FSTL4: variants seen among roughly 807,000 people sequenced by gnomAD.
FSTL4 encodes follistatin-related protein 4.
FSTL4 carries 28 observed loss-of-function variants against 78.2 expected under a neutral mutation model. The ratio of observed to expected loss-of-function variants is 0.36; its 90% confidence interval spans 0.27 to 0.49. FSTL4 has a LOEUF of 0.49. Among genes scored for constraint, FSTL4 ranks in the 20% least tolerant of loss-of-function variants. The probability of loss-of-function intolerance (pLI) is 0.98; values close to 1 mark genes in which losing one functional copy is unlikely to be tolerated. For synonymous variants in FSTL4, 422 were observed against 440.5 expected, an observed-to-expected ratio of 0.96 and a Z score of 0.53; for missense variants, 922 against 1,084.9, an observed-to-expected ratio of 0.85 and a Z score of 2.11.
rs754733229 is a variant in FSTL4 at position 133,220,809 on chromosome 5, T to G, written c.1397A>C (p.His466Pro). The change falls in exon 12 of 16, where the codon CAT (histidine) becomes CCT (proline). Residue 466 changes from histidine (H) to proline (P), a missense_variant. Coordinates refer to ENST00000265342, the MANE Select transcript of FSTL4 (RefSeq NM_015082.2). ...VFSDDGIIVI[H>P]PVDCEIQRHL... ...CCTCTGGATCTCACAGTCCACAGGA[T>G]GGATGACGATGATACCGTCGTCGGA... 1.1e-5 allele frequency: 18 copies of G among 1,613,336 alleles called. No individual in the cohort carries two copies. In the South Asian group the frequency reaches 1.9e-4, roughly 17 times the overall value.
At chr5:133,287,387 CAAA>C (rs56209403) in intron 6 of FSTL4, among the ~76,000 whole-genome samples, 2 of 103,062 alleles carry the variant, frequency 1.9e-5, no homozygotes, top group African/African-American at 3.1e-5. Context: ...GACTCCATCT[CAAA>C]AAAAAAAAAA....
At chr5:133,754,473 G>T in the FSTL4 span, among the ~76,000 whole-genome samples, 2 of 152,176 alleles carry the variant, frequency 1.3e-5, no homozygotes, top group Non-Finnish European at 2.9e-5. Flanking sequence ...AATGGCAGAA[G>T]TTATAATGGA....
rs369910249 is a variant in FSTL4, at chr5:133,361,624, G to A, written c.409+39114C>T. Among the ~76,000 whole-genome samples, 5 of 152,202 alleles carry A rather than the reference G, an allele frequency of 3.3e-5. No individual in the cohort carries two copies. Among genetic ancestry groups the A allele is most frequent in the Non-Finnish European group, 4.4e-5 (3 of 68,034 alleles). ...CCCTAAAAATTTTGAGACTGGGAAT[G>A]TATAGCCATGAGGAAACCCAAAGGA... On this transcript the variant is annotated intron_variant, in intron 4 of 15. Transcript: ENST00000265342. This position sits in a 1 kb window ranked among gnomAD's most constrained non-coding sequence, Gnocchi z 4.3.
At chr5:133,566,895 T>G (rs1241323638) in intron 3 of FSTL4, among the ~76,000 whole-genome samples, 1 of 152,166 alleles carries the variant, frequency 6.6e-6, no homozygotes, top group African/African-American at 2.4e-5. Flanking sequence ...CAAACTTCAC[T>G]CAAGAATGAG....
At chr5:133,412,400 C>A (rs955998929) in intron 3 of FSTL4, among the ~76,000 whole-genome samples, 1 of 152,172 alleles carries the variant, frequency 6.6e-6, no homozygotes, top group African/African-American at 2.4e-5. Flanking sequence ...AGAGTTACCA[C>A]TCCAATGGGA....
the FSTL4 span, among the ~76,000 whole-genome samples, chr5:133,770,347 G>A: frequency 6.6e-6 from 1 of 152,174 alleles, no homozygotes; most frequent in Admixed American, 6.5e-5. Flanking sequence ...CCCACCAACA[G>A]TGTGTAAGTA....
intron 4 of FSTL4, among the ~76,000 whole-genome samples, chr5:133,348,306 A>G (rs1032751098): frequency 6.6e-6 from 1 of 152,230 alleles, no homozygotes; most frequent in African/African-American, 2.4e-5. Context: ...GAGTCCATAA[A>G]GTTTAGAGTC....
the FSTL4 span, among the ~76,000 whole-genome samples, chr5:133,759,452 A>G: frequency 2.6e-5 from 4 of 152,330 alleles, no homozygotes; most frequent in East Asian, 5.8e-4. Context: ...CTGGGAATGT[A>G]TACTGACCCA....
chr5:133,404,950 A>G (rs1419603581), intron 3 of FSTL4, among the ~76,000 whole-genome samples: 1 of 152,150 alleles, frequency 6.6e-6, no homozygotes, highest in Non-Finnish European at 1.5e-5. Context: ...CAGTGCCCCA[A>G]GTGGCAGTGA....
At chr5:133,425,242 C>T (rs1216266055) in intron 3 of FSTL4, among the ~76,000 whole-genome samples, 1 of 152,068 alleles carries the variant, frequency 6.6e-6, no homozygotes, top group Non-Finnish European at 1.5e-5. Flanking sequence ...AAAAAGGTAC[C>T]TTAGCTAAGT....
At chr5:133,618,891 A>C in the FSTL4 span, among the ~76,000 whole-genome samples, 1 of 152,240 alleles carries the variant, frequency 6.6e-6, no homozygotes, top group Admixed American at 6.5e-5. Context: ...ATCTATTGGT[A>C]TATTTAATTA....
intron 3 of FSTL4, among the ~76,000 whole-genome samples, chr5:133,466,816 G>A (rs533676294): frequency 6.6e-6 from 1 of 152,298 alleles, no homozygotes; most frequent in African/African-American, 2.4e-5. Context: ...GCTGGGGAAG[G>A]CTTCACAGGG....
rs1561667255 is a variant in FSTL4, at chr5:133,312,689, C to T, written c.692G>A (p.Ser231Asn). 1.2e-6 allele frequency: 2 copies of T among 1,613,962 alleles called. No homozygotes were observed. The highest frequency in any genetic ancestry group is 1.7e-6 in the Non-Finnish European group (2 of 1,179,872). ...GTAGAACTCGCGGAGGGTCAGGGAG[C>T]TGTCACTGTTGTAATCGTCAAATCG... ...LLRFDDYNSD[S>N]SLTLREFYMA... is the part of the protein sequence containing the mutation. Residue 231 changes from serine to asparagine, a missense_variant, in exon 6 of 16, where the codon AGC (serine) becomes AAC (asparagine). Coordinates refer to ENST00000265342, the MANE Select transcript of FSTL4 (RefSeq NM_015082.2).
chr5:133,668,781 G>T, the FSTL4 span, among the ~76,000 whole-genome samples: 1 of 152,120 alleles, frequency 6.6e-6, no homozygotes, highest in Non-Finnish European at 1.5e-5. Context: ...GGTGATTTCG[G>T]GTGTGAGATC....
At position 133,201,952 on chromosome 5, in the gene FSTL4, G is replaced by C; in HGVS notation, c.1807C>G (p.Leu603Val). 1 of 1,605,618 alleles carries C rather than the reference G, an allele frequency of 6.2e-7. No individual in the cohort carries two copies. Among genetic ancestry groups the C allele is most frequent in the Non-Finnish European group, 8.5e-7 (1 of 1,173,862 alleles). The part of the protein sequence containing the change: ...VDDFFIPPTN[L>V]IINHIRFGFI... ...TCTCACCTGATGTGGTTGATGATGA[G>C]GTTTGTTGGGGGAATGAAGAAATCA... Residue 603 changes from leucine (L) to valine (V), a missense_variant, in exon 15 of 16, where the codon CTC becomes GTC. By Grantham distance (32) the Leu-to-Val change is conservative. Coordinates refer to ENST00000265342, the MANE Select transcript of FSTL4 (RefSeq NM_015082.2).
chr5:133,371,354 C>T (rs1480249877), intron 4 of FSTL4, among the ~76,000 whole-genome samples: 1 of 152,242 alleles, frequency 6.6e-6, no homozygotes, highest in Non-Finnish European at 1.5e-5. Flanking sequence ...AACATATCTA[C>T]TCTTGAGGGT....
At position 133,553,526 on chromosome 5, in the gene FSTL4, G is replaced by A. The variant is rs867977823; in HGVS notation, c.160+13660C>T. On this transcript the variant is annotated intron_variant, in intron 3 of 15. Transcript: ENST00000265342. Reference sequence around the variant, plus strand: ...AAATAAGTCACCAACTTACTGAAACGCCCAGCAAACCAAATCACAAATCCT... The same window carrying A: ...AAATAAGTCACCAACTTACTGAAACACCCAGCAAACCAAATCACAAATCCT... Among the ~76,000 whole-genome samples, 7 of 152,140 alleles carry A rather than the reference G, an allele frequency of 4.6e-5. No homozygotes were observed. In the East Asian group the frequency reaches 7.7e-4, roughly 17 times the overall value.
intron 7 of FSTL4, among the ~76,000 whole-genome samples, chr5:133,240,512 G>A (rs1178709085): frequency 6.6e-6 from 1 of 152,204 alleles, no homozygotes; most frequent in Non-Finnish European, 1.5e-5. Flanking sequence ...CTGGAAGAGG[G>A]AGTTGGAGGC....
intron 3 of FSTL4, among the ~76,000 whole-genome samples, chr5:133,492,670 T>A (rs1397911447): frequency 1.3e-5 from 2 of 152,190 alleles, no homozygotes; most frequent in African/African-American, 4.8e-5. Flanking sequence ...GTATTTATAC[T>A]GTTCATGATT....
Sources: allele counts gnomAD v4.1 joint callset (sites outside exome capture counted in the v4.1 genomes callset), GRCh38; gene constraint gnomAD v4.1.1; non-coding constraint Gnocchi (gnomAD v3.1); transcripts MANE v1.5; gene names NCBI Gene and HGNC (gene_info 2026-07-23, HGNC 2026-07-21).